The following ANGPT4 variants were observed in gnomAD, a reference collection of about 807,000 sequenced individuals.
ANGPT4 encodes angiopoietin-4.
Under a neutral mutation model 53.0 loss-of-function variants are expected in ANGPT4, and 50 were observed. The ratio of observed to expected loss-of-function variants is 0.94; its 90% CI spans 0.75 to 1.20. The LOEUF is 1.20. ANGPT4 is among the 50% of genes most tolerant of loss of function. ANGPT4 has a pLI of 0.00. For missense variants in ANGPT4, 648 were observed against 637.1 expected (o/e 1.02, Z -0.18); for synonymous variants, 251 against 259.7 (o/e 0.97, Z 0.32).
At chr20:894,793 G>T (rs1981980809) in intron 1 of ANGPT4, among the ~76,000 whole-genome samples, 1 of 152,176 alleles carries the variant, frequency 6.6e-6, no homozygotes, top group Non-Finnish European at 1.5e-5. Context: ...TCTTGCCCAA[G>T]GTCACCATCT....
Position 908,219 on chromosome 20 carries a change from T to C in ANGPT4, c.309+7687A>G, listed in dbSNP as rs62187502. Among the ~76,000 whole-genome samples the C allele has an allele frequency of 6.1e-3, 933 of 152,262 alleles. 3 individuals are homozygous for C. The highest frequency in any genetic ancestry group is 0.01 in the Non-Finnish European group (682 of 68,004). The stretch of plus-strand genomic sequence containing the variant: ...CATCTCTTCCCAGTCTCCATGGTCC[T>C]CCACGGAGAACAGGGTCAGGACCAG... On this transcript the variant is annotated intron_variant, in intron 1 of 8. Coordinates refer to ENST00000381922, the MANE Select transcript of ANGPT4 (RefSeq NM_015985.4). The surrounding 1 kb of genome is among the most constrained non-coding windows in gnomAD (Gnocchi z 4.9).
At chr20:889,501 C>T (rs1232836270) in intron 2 of ANGPT4, among the ~76,000 whole-genome samples, 1 of 152,126 alleles carries the variant, frequency 6.6e-6, no homozygotes, top group Non-Finnish European at 1.5e-5. Flanking sequence ...CATATCTAAA[C>T]ACAGAAAAGG....
intron 1 of ANGPT4, among the ~76,000 whole-genome samples, chr20:893,335 G>A (rs1191133020): frequency 6.6e-6 from 1 of 152,100 alleles, no homozygotes; most frequent in Admixed American, 6.5e-5. Context: ...CGGGACTTTG[G>A]AATTATAGAC....
intron 1 of ANGPT4, among the ~76,000 whole-genome samples, chr20:892,089 C>T (rs897101799): frequency 9.9e-5 from 15 of 151,816 alleles, no homozygotes; most frequent in Non-Finnish European, 2.1e-4. Flanking sequence ...TCAGCCCACC[C>T]CCTCCCTGCA....
At chr20:893,106 T>G (rs4816051) in intron 1 of ANGPT4, among the ~76,000 whole-genome samples, 56,658 of 152,098 alleles carry the variant, frequency 0.37, 11,128 homozygotes, top group East Asian at 0.62. Flanking sequence ...GGGTCCTTAA[T>G]GAAGAAGCCA....
chr20:900,185 C>T (rs1248890723), intron 1 of ANGPT4, among the ~76,000 whole-genome samples: 1 of 152,172 alleles, frequency 6.6e-6, no homozygotes, highest in Admixed American at 6.5e-5. Context: ...GGCTACCTTC[C>T]CCTTGCTCTT....
chr20:888,698 C>A (rs1279751032), intron 2 of ANGPT4, among the ~76,000 whole-genome samples: 1 of 152,212 alleles, frequency 6.6e-6, no homozygotes, highest in Non-Finnish European at 1.5e-5. Context: ...ACCCTGTCCC[C>A]CACATCCAAC....
chr20:873,015 C>A lies in ANGPT4; in HGVS notation c.1457G>T (p.Gly486Val). 6.2e-7 allele frequency: 1 copy of A among 1,614,092 alleles called. No homozygotes were observed. The highest frequency in any genetic ancestry group is 1.1e-5 in the South Asian group (1 of 91,084). ...AGAGGCACGCAGTGAGTAGCTGGGG[C>A]CCTTGAAGTAGTGCCAGCGGATGCC... The part of the protein sequence containing the change: ...MDGIRWHYFK[G>V]PSYSLRASRM... The change falls in exon 9 of 9, where the codon GGC becomes GTC. Residue 486 changes from glycine to valine, a missense_variant. Gly to Val is a moderately radical substitution (Grantham distance 109). Coordinates refer to ENST00000381922, the MANE Select transcript of ANGPT4 (RefSeq NM_015985.4).
At chr20:882,524 A>G (rs778031077) in intron 4 of ANGPT4, among the ~76,000 whole-genome samples, 1 of 152,200 alleles carries the variant, frequency 6.6e-6, no homozygotes, top group Non-Finnish European at 1.5e-5. Context: ...TCATGTCACA[A>G]ATGAGATGAC....
At chr20:880,948 C>A (rs1981379642) in intron 5 of ANGPT4, among the ~76,000 whole-genome samples, 1 of 152,226 alleles carries the variant, frequency 6.6e-6, no homozygotes, top group Non-Finnish European at 1.5e-5. Flanking sequence ...CCAGTTAAAG[C>A]ACCTCTGAAG....
intron 1 of ANGPT4, 92 bp downstream of exon 1, chr20:915,814 A>G: frequency 7.0e-7 from 1 of 1,432,006 alleles, no homozygotes; most frequent in Non-Finnish European, 9.4e-7. Flanking sequence ...CTCTGTGCTC[A>G]GGGAAGGCCT....
intron 4 of ANGPT4, 48 bp downstream of exon 4, chr20:885,030 C>T (rs750125090): frequency 1.9e-5 from 30 of 1,608,722 alleles, no homozygotes; most frequent in Non-Finnish European, 2.5e-5. Context: ...CTCCCCTCCC[C>T]TCTCCTGCCC....
intron 1 of ANGPT4, among the ~76,000 whole-genome samples, chr20:899,454 C>A (rs138928235): frequency 2.6e-5 from 4 of 151,922 alleles, no homozygotes; most frequent in Non-Finnish European, 4.4e-5. Flanking sequence ...GGGGTTTCAC[C>A]GTGTTAGCCA....
chr20:915,227 C>CA (rs1395987431), intron 1 of ANGPT4, among the ~76,000 whole-genome samples: 1 of 151,706 alleles, frequency 6.6e-6, no homozygotes, highest in Non-Finnish European at 1.5e-5. Context: ...TCCAGTGGCC[C>CA]CCCCCCCAGC....
Position 890,363 on chromosome 20 carries a change from C to A in ANGPT4, c.315G>T (p.Glu105Asp). 6.2e-7 allele frequency: 1 copy of A among 1,610,368 alleles called. No homozygotes were observed. The highest frequency in any genetic ancestry group is 1.1e-5 in the South Asian group (1 of 90,980). Residue 105 changes from glutamate (E) to aspartate (D), a missense_variant, in exon 2 of 9, where the codon GAG becomes GAT. Transcript: ENST00000381922. ...QNNTQWLKKL[E>D]RAIKTILRSK... ...ACCTCAAGATCGTCTTGATGGCCCT[C>A]TCTAGCTGTGGGAGACCATGGGCTG...
At chr20:881,830 C>T (rs896618264) in intron 4 of ANGPT4, among the ~76,000 whole-genome samples, 6 of 152,078 alleles carry the variant, frequency 3.9e-5, no homozygotes, top group Non-Finnish European at 8.8e-5. Flanking sequence ...TGGAGGGGGG[C>T]CTGGAGGGGA....
At chr20:899,186 G>A (rs191043120) in intron 1 of ANGPT4, among the ~76,000 whole-genome samples, 156 of 152,198 alleles carry the variant, frequency 1.0e-3, no homozygotes, top group Non-Finnish European at 1.6e-3. Flanking sequence ...TAACTGTTGC[G>A]GGTATTGACG....
rs117841535 is a variant in ANGPT4 at position 911,294 on chromosome 20, C to G, written c.309+4612G>C. Among the ~76,000 whole-genome samples the G allele has an allele frequency of 4.5e-3, 688 of 152,338 alleles. 21 individuals carry two copies. The East Asian group carries it at 0.098, about 22-fold the overall frequency. ...AGAGACCTGGAGCAAACAGCAGAGGCTGGGGCAGTGCCAGGTTGGGAGGCC... is the reference window on the plus strand; with the variant it reads ...AGAGACCTGGAGCAAACAGCAGAGGGTGGGGCAGTGCCAGGTTGGGAGGCC... On this transcript the variant is annotated intron_variant, in intron 1 of 8. Transcript: ENST00000381922. The surrounding 1 kb of genome is among the most constrained non-coding windows in gnomAD (Gnocchi z 4.9).
Position 885,087 on chromosome 20 carries a change from A to C in ANGPT4, c.826T>G (p.Ser276Ala). Residue 276 changes from serine to alanine, a missense_variant, in exon 4 of 9, where the codon TCG becomes GCG. Physicochemically the swap from Ser to Ala is moderately conservative, Grantham distance 99. Transcript: ENST00000381922. Reference sequence around the variant, plus strand: ...CACACCGCTCACTCACCCGGGGCCGAGGCGTTAGCCCTTTCTTGCACCAGG... The same window carrying C: ...CACACCGCTCACTCACCCGGGGCCGCGGCGTTAGCCCTTTCTTGCACCAGG... ...RHLVQERANA[S>A]APAFIMAGEQ... 6.2e-7 allele frequency: 1 copy of C among 1,613,674 alleles called. No homozygotes were observed. Among genetic ancestry groups the C allele is most frequent in the Non-Finnish European group, 8.5e-7 (1 of 1,179,916 alleles).
Sources: gnomAD v4.1 joint callset for allele counts (sites outside exome capture counted in the v4.1 genomes callset) on GRCh38, gnomAD v4.1.1 for gene constraint, Gnocchi (gnomAD v3.1) non-coding constraint, MANE v1.5 for transcripts, NCBI Gene and HGNC (gene_info 2026-07-23, HGNC 2026-07-21) for gene names.